Variants in ABCE1 observed in about 807,000 individuals in gnomAD.
ABCE1 encodes ATP-binding cassette sub-family E member 1.
Under a neutral mutation model 83.4 loss-of-function variants are expected in ABCE1, and 22 were observed. The ratio of observed to expected loss-of-function variants is 0.26; its 90% CI spans 0.19 to 0.38. ABCE1 has a LOEUF of 0.38. Ranked by LOEUF, ABCE1 falls within the 10% of genes least tolerant of loss-of-function variation. ABCE1 has a pLI of 1.00. For missense variants in ABCE1, 330 were observed against 721.9 expected (o/e 0.46, Z 6.22); for synonymous variants, 204 against 233.7 (o/e 0.87, Z 1.16).
At chr4:145,113,320 G>A (rs1749530321) in intron 9 of ABCE1, among the ~76,000 whole-genome samples, 1 of 152,218 alleles carries the variant, frequency 6.6e-6, no homozygotes, top group Non-Finnish European at 1.5e-5. Flanking sequence ...GAGCTCCCTG[G>A]AAGTGAAGGG....
intron 3 of ABCE1, among the ~76,000 whole-genome samples, chr4:145,107,266 A>C (rs1749334758): frequency 6.6e-6 from 1 of 152,098 alleles, no homozygotes; most frequent in African/African-American, 2.4e-5. Flanking sequence ...AGTCTGTGCA[A>C]ATATGCTAGC....
chr4:145,112,281 G>A lies in ABCE1; in HGVS notation c.753G>A (p.Gln251=). The A allele has an allele frequency of 1.9e-6, 3 of 1,591,552 alleles. No homozygotes were observed. The highest frequency in any genetic ancestry group is 2.6e-6 in the Non-Finnish European group (3 of 1,171,612). ...DEPSSYLDVK[Q]RLKAAITIRS... ...CTTCTAGTTACCTAGATGTCAAGCA[G>A]CGTTTAAAGGCTGCTATTACTATAC... Residue 251 remains glutamine (Q), a synonymous_variant, in exon 9 of 18, where the codon CAG becomes CAA. Transcript: ENST00000296577.
chr4:145,119,782 T>C, intron 10 of ABCE1, 150 bp from the exon 11 acceptor site: 1 of 586,894 alleles, frequency 1.7e-6, no homozygotes, highest in South Asian at 2.1e-5. Flanking sequence ...TAAATATATA[T>C]AGTTTTTTAA....
Position 145,127,545 on chromosome 4 carries a change from G to C in ABCE1, c.1772G>C (p.Ser591Thr), listed in dbSNP as rs1749924322. ...TTTTAGGATGTAGAACAAAAGAAGA[G>C]TGGAAACTACTTTTTCTTGGATGAT... Reference protein sequence around the residue: ...NSIKDVEQKKSGNYFFLDD With the variant: ...NSIKDVEQKKTGNYFFLDD Residue 591 changes from serine (S) to threonine (T), a missense_variant, in exon 18 of 18, where the codon AGT (serine) becomes ACT (threonine). Transcript: ENST00000296577. 1 of 1,577,558 alleles carries C rather than the reference G, an allele frequency of 6.3e-7. No homozygotes were observed. The highest frequency in any genetic ancestry group is 1.4e-5 in the African/African-American group (1 of 72,112).
In ABCE1 at chr4:145,105,002, T is replaced by C. The variant is rs1036460929; in HGVS notation, c.103+487T>C. Among the ~76,000 whole-genome samples the C allele has an allele frequency of 2.6e-5, 4 of 152,064 alleles. No homozygotes were observed. In the East Asian group the frequency reaches 7.7e-4, roughly 29 times the overall value. ...AATTCAGTTGAAAAATTATTGGTAG[T>C]CGTTAAGGGCTATGTTAAGTAATTG... On this transcript the variant is annotated intron_variant, in intron 2 of 17. Transcript: ENST00000296577.
chr4:145,110,564 C>T (rs975513632), intron 7 of ABCE1, 120 bp downstream of exon 7: 14 of 954,478 alleles, frequency 1.5e-5, no homozygotes, highest in Non-Finnish European at 1.8e-5. Flanking sequence ...CAACCTCTGC[C>T]TCCCGGGTTC....
intron 16 of ABCE1, among the ~76,000 whole-genome samples, chr4:145,124,211 G>A (rs556615906): frequency 6.6e-6 from 1 of 152,226 alleles, no homozygotes; most frequent in East Asian, 1.9e-4. Context: ...GAAATTACTG[G>A]TGTTCAGTTT....
At chr4:145,123,453 A>C in intron 15 of ABCE1, 25 bp from the exon 16 acceptor site, 1 of 1,593,756 alleles carries the variant, frequency 6.3e-7, no homozygotes, top group Non-Finnish European at 8.6e-7. Context: ...GAAAGCTATA[A>C]GATTTCAAAA....
At chr4:145,099,120 T>A (rs1313382152) in intron 1 of ABCE1, among the ~76,000 whole-genome samples, 1 of 152,220 alleles carries the variant, frequency 6.6e-6, no homozygotes, top group East Asian at 1.9e-4. Flanking sequence ...CTCATTGAGA[T>A]CAAGGTTGAT....
chr4:145,105,548 G>A, intron 2 of ABCE1, 57 bp from the exon 3 acceptor site: 2 of 1,308,774 alleles, frequency 1.5e-6, no homozygotes, highest in Non-Finnish European at 2.2e-6. Flanking sequence ...AAATAACAGT[G>A]TTCGGAAAAT....
At chr4:145,115,192 T>C (rs1209427700) in intron 9 of ABCE1, among the ~76,000 whole-genome samples, 1 of 151,966 alleles carries the variant, frequency 6.6e-6, no homozygotes, top group African/African-American at 2.4e-5. Context: ...CTAAATCATG[T>C]TTATATTTTG....
intron 2 of ABCE1, among the ~76,000 whole-genome samples, 175 bp downstream of exon 2, chr4:145,104,690 G>A (rs1749251588): frequency 1.3e-5 from 2 of 151,884 alleles, no homozygotes; most frequent in Admixed American, 6.6e-5. Flanking sequence ...TGTGACTGAA[G>A]GATCATATTT....
Position 145,123,492 on chromosome 4 carries a change from CA to C in ABCE1, c.1538del (p.Lys513ArgfsTer16). 1.9e-6 allele frequency: 3 copies of C among 1,602,272 alleles called. No homozygotes were observed. Among genetic ancestry groups the C allele is most frequent in the Non-Finnish European group, 2.6e-6 (3 of 1,170,492 alleles). ...ARVVKRFILH[A>X]KKTAFVVEHD... ...TTGTGTTTTAGTTTCATACTCCATGCAAAAAAGACAGCCTTTGTTGTGGAAC... is the reference window on the plus strand; with the variant it reads ...TTGTGTTTTAGTTTCATACTCCATGCAAAAAGACAGCCTTTGTTGTGGAAC... On this transcript the variant is annotated frameshift_variant, in exon 16 of 18. Transcript: ENST00000296577. LOFTEE classifies it high-confidence loss of function.
chr4:145,125,217 A>C, intron 17 of ABCE1, 116 bp downstream of exon 17: 1 of 734,024 alleles, frequency 1.4e-6, no homozygotes, highest in Non-Finnish European at 2.2e-6. Context: ...CTGTGATTCA[A>C]GCACTTTTGG....
intron 2 of ABCE1, among the ~76,000 whole-genome samples, chr4:145,104,891 C>T (rs1749255962): frequency 6.6e-6 from 1 of 151,586 alleles, no homozygotes; most frequent in South Asian, 2.1e-4. Flanking sequence ...ACAGTATTTT[C>T]ATATTTAAAA....
chr4:145,110,134 A>C lies in ABCE1; in HGVS notation c.437A>C (p.Tyr146Ser). Residue 146 changes from tyrosine (Y) to serine (S), a missense_variant, in exon 6 of 18, where the codon TAT (tyrosine) becomes TCT (serine). Physicochemically the swap from Tyr to Ser is moderately radical, Grantham distance 144. Coordinates refer to ENST00000296577, the MANE Select transcript of ABCE1 (RefSeq NM_002940.3). ...DPPDWQEILT[Y>S]FRGSELQNYF... ...CCTGACTGGCAGGAGATTTTGACTTATTTCCGTGGATCTGAATTACAAAAT... is the reference window on the plus strand; with the variant it reads ...CCTGACTGGCAGGAGATTTTGACTTCTTTCCGTGGATCTGAATTACAAAAT... 2.6e-6 allele frequency: 4 copies of C among 1,556,800 alleles called. No individual in the cohort carries two copies. Among genetic ancestry groups the C allele is most frequent in the Non-Finnish European group, 3.5e-6 (4 of 1,157,586 alleles).
intron 3 of ABCE1, among the ~76,000 whole-genome samples, chr4:145,106,682 C>T (rs1228049505): frequency 2.0e-5 from 3 of 151,900 alleles, no homozygotes; most frequent in Non-Finnish European, 4.4e-5. Flanking sequence ...TATAATGTAC[C>T]TCATATATGA....
At position 145,112,296 on chromosome 4, in the gene ABCE1, T is replaced by C. The variant is rs1206382436; in HGVS notation, c.768T>C (p.Ala256=). The change falls in exon 9 of 18, where the codon GCT becomes GCC. Residue 256 remains alanine (A), a synonymous_variant. Coordinates refer to ENST00000296577, the MANE Select transcript of ABCE1 (RefSeq NM_002940.3). The stretch of plus-strand genomic sequence containing the variant: ...ATGTCAAGCAGCGTTTAAAGGCTGC[T>C]ATTACTATACGATCTCTAATAAATC... ...YLDVKQRLKA[A]ITIRSLINPD... The C allele has an allele frequency of 1.9e-6, 3 of 1,599,992 alleles. No individual in the cohort carries two copies. Among genetic ancestry groups the C allele is most frequent in the Admixed American group, 1.8e-5 (1 of 57,032 alleles).
intron 3 of ABCE1, 81 bp downstream of exon 3, chr4:145,105,771 C>CT (rs1749286821): frequency 3.3e-6 from 3 of 923,070 alleles, no homozygotes; most frequent in Admixed American, 2.4e-5. Context: ...GCTATAACTA[C>CT]TTTAAGTGAG....
Sources: allele counts gnomAD v4.1 joint callset (sites outside exome capture counted in the v4.1 genomes callset), GRCh38; gene constraint gnomAD v4.1.1; transcripts MANE v1.5; gene names NCBI Gene and HGNC (gene_info 2026-07-23, HGNC 2026-07-21).